ATF7IP2: variants seen among roughly 807,000 people sequenced by gnomAD.
ATF7IP2 encodes activating transcription factor 7 interacting protein 2.
ATF7IP2 carries 42 observed loss-of-function variants against 64.2 expected under a neutral mutation model. The ratio of observed to expected loss-of-function variants is 0.65; its 90% CI spans 0.51 to 0.85. The LOEUF (loss-of-function observed/expected upper bound fraction) is 0.85. Among genes scored for constraint, ATF7IP2 ranks in the 40% least tolerant of loss-of-function variants. The pLI is 0.00. For synonymous variants in ATF7IP2, 308 were observed against 272.8 expected (o/e 1.13, Z -1.27); for missense variants, 933 against 784.2 (o/e 1.19, Z -2.27).
chr16:10,416,904 A>T (rs968386465), intron 2 of ATF7IP2, among the ~76,000 whole-genome samples: 1 of 152,246 alleles, frequency 6.6e-6, no homozygotes, highest in African/African-American at 2.4e-5. Context: ...AAAATAACTA[A>T]GACTATAATT....
intron 3 of ATF7IP2, among the ~76,000 whole-genome samples, chr16:10,424,130 C>G (rs990027725): frequency 6.6e-6 from 1 of 152,262 alleles, no homozygotes; most frequent in Non-Finnish European, 1.5e-5. Context: ...GCACAGATCA[C>G]TCATGCTATT....
chr16:10,482,082 A>C lies in ATF7IP2; in HGVS notation c.1882A>C (p.Lys628Gln), dbSNP rs1273464956. Residue 628 changes from lysine (K) to glutamine (Q), a missense_variant, in exon 14 of 14, where the codon AAG becomes CAG. Lys to Gln is a moderately conservative substitution (Grantham distance 53, BLOSUM62 1). Transcript: ENST00000562102. ...CTCTAATAATAAGTTGATTTGGAAGAAGATTGGAGAAATTAAAGCTTTACC... is the reference window on the plus strand; with the variant it reads ...CTCTAATAATAAGTTGATTTGGAAGCAGATTGGAGAAATTAAAGCTTTACC... ...ENSNNKLIWK[K>Q]IGEIKALPLP... 1.2e-6 allele frequency: 2 copies of C among 1,614,018 alleles called. No individual in the cohort carries two copies. The highest frequency in any genetic ancestry group is 1.7e-6 in the Non-Finnish European group (2 of 1,179,992).
In ATF7IP2 at chr16:10,480,109, T is replaced by G. The variant is rs972038770; in HGVS notation, c.1550-770T>G. ...GTTTAAGCAATTCTCTGTCTCAGCCTCCCGAGTAGCTGGGACTACAGGCAC... is the reference window on the plus strand; with the variant it reads ...GTTTAAGCAATTCTCTGTCTCAGCCGCCCGAGTAGCTGGGACTACAGGCAC... On this transcript the variant is annotated intron_variant, in intron 12 of 13. Coordinates refer to ENST00000562102, the MANE Select transcript of ATF7IP2 (RefSeq NM_001393719.1). 6.5e-4 allele frequency among the ~76,000 whole-genome samples: 98 copies of G among 151,506 alleles called. 1 individual carries two copies. Among genetic ancestry groups the G allele is most frequent in the African/African-American group, 2.0e-3 (83 of 41,246 alleles).
At chr16:10,478,611 A>C (rs2050096520) in intron 12 of ATF7IP2, among the ~76,000 whole-genome samples, 1 of 152,246 alleles carries the variant, frequency 6.6e-6, no homozygotes, top group Non-Finnish European at 1.5e-5. Flanking sequence ...CTTCATGTCT[A>C]AAACACCAAA....
chr16:10,456,478 G>C (rs1403473180), intron 8 of ATF7IP2, among the ~76,000 whole-genome samples: 1 of 152,154 alleles, frequency 6.6e-6, no homozygotes, highest in Non-Finnish European at 1.5e-5. Context: ...TTTAGGTTTA[G>C]TGTGTAGATC....
At chr16:10,418,382 C>G (rs959514993) in intron 2 of ATF7IP2, among the ~76,000 whole-genome samples, 2 of 152,124 alleles carry the variant, frequency 1.3e-5, no homozygotes, top group Non-Finnish European at 2.9e-5. Context: ...GTTTTGGGGC[C>G]TGTTGATGGC....
At chr16:10,472,428 G>A (rs1234524541) in intron 10 of ATF7IP2, among the ~76,000 whole-genome samples, 1 of 151,962 alleles carries the variant, frequency 6.6e-6, no homozygotes, top group African/African-American at 2.4e-5. Context: ...TGTGTTTAAT[G>A]ACTTTATAAC....
At chr16:10,403,861 G>A (rs1410586318) in intron 1 of ATF7IP2, among the ~76,000 whole-genome samples, 2 of 152,126 alleles carry the variant, frequency 1.3e-5, no homozygotes, top group Non-Finnish European at 1.5e-5. Flanking sequence ...CAAGGCAGAA[G>A]AAATAATCTT....
At chr16:10,410,634 T>C (rs2047740576) in intron 1 of ATF7IP2, among the ~76,000 whole-genome samples, 1 of 152,200 alleles carries the variant, frequency 6.6e-6, no homozygotes, top group Non-Finnish European at 1.5e-5. Flanking sequence ...TTCTCTTTTC[T>C]GATTGCTCTG....
chr16:10,394,840 G>A (rs2047393076), intron 1 of ATF7IP2, among the ~76,000 whole-genome samples: 1 of 151,918 alleles, frequency 6.6e-6, no homozygotes, highest in Non-Finnish European at 1.5e-5. Flanking sequence ...GGTTTTGGAG[G>A]GTACAATTAC....
Position 10,480,940 on chromosome 16 carries a change from C to A in ATF7IP2, c.1611C>A (p.Thr537=). The A allele has an allele frequency of 3.1e-6, 5 of 1,611,042 alleles. No homozygotes were observed. Among genetic ancestry groups the A allele is most frequent in the Non-Finnish European group, 4.2e-6 (5 of 1,177,332 alleles). Residue 537 remains threonine, a synonymous_variant, in exon 13 of 14, where the codon ACC becomes ACA. Coordinates refer to ENST00000562102, the MANE Select transcript of ATF7IP2 (RefSeq NM_001393719.1). ...SKAASNSKET[T]PLAQNAVQVP... is the part of the protein sequence containing the mutation. ...CTGCTTCAAACTCAAAGGAAACAACCCCATTGGCACAAAATGCAGTCCAGG... is the reference window on the plus strand; with the variant it reads ...CTGCTTCAAACTCAAAGGAAACAACACCATTGGCACAAAATGCAGTCCAGG...
chr16:10,417,462 A>G (rs932202153), intron 2 of ATF7IP2, among the ~76,000 whole-genome samples: 2 of 152,234 alleles, frequency 1.3e-5, no homozygotes, highest in African/African-American at 2.4e-5. Flanking sequence ...GCTTTAAATC[A>G]AAAGCAGTAA....
In ATF7IP2 at chr16:10,480,976, A is replaced by C. The variant is rs1339503796; in HGVS notation, c.1635+12A>C. Reference sequence around the variant, plus strand: ...AAAATGCAGTCCAGGTACTGAATCAAAGTGCTCTGTAAGGGATATTTATTC... The same window carrying C: ...AAAATGCAGTCCAGGTACTGAATCACAGTGCTCTGTAAGGGATATTTATTC... On this transcript the variant is annotated intron_variant, in intron 13 of 13. Coordinates refer to ENST00000562102, the MANE Select transcript of ATF7IP2 (RefSeq NM_001393719.1). The C allele has an allele frequency of 6.4e-7, 1 of 1,561,704 alleles. No individual in the cohort carries two copies. The highest frequency in any genetic ancestry group is 1.7e-5 in the Admixed American group (1 of 59,904).
chr16:10,402,400 A>G (rs1448418287), intron 1 of ATF7IP2, among the ~76,000 whole-genome samples: 2 of 151,972 alleles, frequency 1.3e-5, no homozygotes, highest in East Asian at 1.9e-4. Context: ...TTCTCTTTGC[A>G]TTGATTTCTA....
chr16:10,443,164 C>T (rs567821891), intron 8 of ATF7IP2, among the ~76,000 whole-genome samples: 2 of 152,254 alleles, frequency 1.3e-5, no homozygotes, highest in Admixed American at 6.5e-5. Flanking sequence ...CACATCCACT[C>T]GAGGATGAGT....
At chr16:10,441,619 A>C (rs548157697) in intron 8 of ATF7IP2, among the ~76,000 whole-genome samples, 195 of 152,148 alleles carry the variant, frequency 1.3e-3, no homozygotes, top group African/African-American at 4.5e-3. Flanking sequence ...TGTAAATTTA[A>C]GTTCTTTATA....
chr16:10,477,521 T>C (rs1020756336), intron 12 of ATF7IP2, among the ~76,000 whole-genome samples: 7 of 152,194 alleles, frequency 4.6e-5, no homozygotes, highest in Non-Finnish European at 8.8e-5. Context: ...GCCAATATCA[T>C]ACTGAATGGG....
At chr16:10,450,254 A>G (rs891601360) in intron 8 of ATF7IP2, among the ~76,000 whole-genome samples, 1 of 152,168 alleles carries the variant, frequency 6.6e-6, no homozygotes, top group African/African-American at 2.4e-5. Context: ...CAATTTTAGA[A>G]TAAGTATGAT....
chr16:10,473,561 ATT>A, intron 11 of ATF7IP2, 27 bp downstream of exon 11: 1 of 1,451,250 alleles, frequency 6.9e-7, no homozygotes, highest in Admixed American at 2.0e-5. Flanking sequence ...GACTCTGAAT[ATT>A]GTTTATTTAA....
Sources: allele counts gnomAD v4.1 joint callset (sites outside exome capture counted in the v4.1 genomes callset), GRCh38; gene constraint gnomAD v4.1.1; transcripts MANE v1.5; gene names NCBI Gene and HGNC (gene_info 2026-07-23, HGNC 2026-07-21).